CTNND2: variants seen among roughly 807,000 people sequenced by gnomAD.
CTNND2 encodes the protein catenin delta-2.
Under a neutral mutation model 144.4 loss-of-function variants are expected in CTNND2, and 22 were observed. That is an observed-to-expected ratio of 0.15 (90% confidence interval 0.11 to 0.22). The LOEUF (loss-of-function observed/expected upper bound fraction) is 0.22. Among genes scored for constraint, CTNND2 ranks in the 10% least tolerant of loss-of-function variants. The probability of loss-of-function intolerance (pLI) is 1.00; values close to 1 mark genes in which losing one functional copy is unlikely to be tolerated. For synonymous variants in CTNND2, 751 were observed against 695.6 expected, an observed-to-expected ratio of 1.08 and a Z score of -1.25; for missense variants, 1,353 against 1,618.8, an observed-to-expected ratio of 0.84 and a Z score of 2.82.
At position 11,150,263 on chromosome 5, in the gene CTNND2, G is replaced by A. The variant is rs575698223; in HGVS notation, c.2159+9313C>T. ...CCAGACCTCCCGCTGAGCCTCCACC[G>A]CCCCCGCCTACTCCTGCAGTGATTG... On this transcript the variant is annotated intron_variant, in intron 12 of 21. Coordinates refer to ENST00000304623, the MANE Select transcript of CTNND2 (RefSeq NM_001332.4). Among the ~76,000 whole-genome samples, 27 of 152,070 alleles carry A rather than the reference G, an allele frequency of 1.8e-4. No individual in the cohort carries two copies. In the East Asian group the frequency reaches 4.4e-3, roughly 25 times the overall value.
At chr5:11,413,768 T>C (rs537851750) in intron 3 of CTNND2, among the ~76,000 whole-genome samples, 3 of 152,302 alleles carry the variant, frequency 2.0e-5, no homozygotes, top group East Asian at 3.9e-4. Flanking sequence ...ATTATTAATT[T>C]AGGGCTCCCC....
intron 1 of CTNND2, among the ~76,000 whole-genome samples, chr5:11,778,541 T>A (rs1387556063): frequency 6.6e-6 from 1 of 152,112 alleles, no homozygotes; most frequent in African/African-American, 2.4e-5. Flanking sequence ...CTCAATTGAA[T>A]CATGTGGAAA....
rs142150473 is a variant in CTNND2, at chr5:11,093,996, T to C, written c.2637+4579A>G. 6.2e-4 allele frequency among the ~76,000 whole-genome samples: 95 copies of C among 152,304 alleles called. 1 individual carries two copies. The East Asian group carries it at 0.016, about 26-fold the overall frequency. ...GCTCTTCCCATGAAACATGGCAAAA[T>C]AGTATATTATACAAAAGATGATGAT... On this transcript the variant is annotated intron_variant, in intron 15 of 21. Transcript: ENST00000304623.
intron 3 of CTNND2, among the ~76,000 whole-genome samples, chr5:11,505,921 G>A (rs753954029): frequency 6.6e-6 from 1 of 151,958 alleles, no homozygotes; most frequent in Admixed American, 6.6e-5. Context: ...TCCTCTCTTC[G>A]ATGGCATCCA....
intron 1 of CTNND2, among the ~76,000 whole-genome samples, chr5:11,798,259 CAAAAAAAAA>C (rs78238644): frequency 1.7e-5 from 1 of 60,464 alleles, no homozygotes; most frequent in African/African-American, 5.9e-5. Flanking sequence ...GAGACTGTTT[CAAAAAAAAA>C]AAAAAAAAAG....
intron 2 of CTNND2, among the ~76,000 whole-genome samples, chr5:11,722,485 A>T (rs972410725): frequency 6.6e-6 from 1 of 152,248 alleles, no homozygotes; most frequent in Non-Finnish European, 1.5e-5. Flanking sequence ...ACACTGTATA[A>T]GTCCATTCTC....
chr5:11,128,915 A>T lies in CTNND2; in HGVS notation c.2160-11348T>A, dbSNP rs1338328094. Among the ~76,000 whole-genome samples the T allele has an allele frequency of 1.1e-4, 5 of 44,374 alleles. 1 individual carries two copies. The highest frequency in any genetic ancestry group is 2.6e-4 in the African/African-American group (4 of 15,238). The allele number at this position is 44,374 out of a possible 152,430, so 29.1% of individuals were successfully genotyped here. A position where few individuals can be genotyped will look rare whatever the true frequency, so the allele number is the denominator to read the frequency against. ...ATATATTACATATATAAATATATAT[A>T]ATATATAATACATAAATATATATAT... On this transcript the variant is annotated intron_variant, in intron 12 of 21. Coordinates refer to ENST00000304623, the MANE Select transcript of CTNND2 (RefSeq NM_001332.4).
At chr5:11,746,393 G>A (rs575939063) in intron 1 of CTNND2, among the ~76,000 whole-genome samples, 9 of 151,824 alleles carry the variant, frequency 5.9e-5, no homozygotes, top group East Asian at 1.9e-4. Context: ...ATCACTTCAC[G>A]TCCTCTTTAC....
intron 18 of CTNND2, among the ~76,000 whole-genome samples, chr5:11,005,153 G>A (rs922642150): frequency 2.0e-5 from 3 of 152,234 alleles, no homozygotes; most frequent in African/African-American, 7.2e-5. Flanking sequence ...AGGCAGAGAA[G>A]GGGAGGCATT....
chr5:11,289,946 G>T (rs923205995), intron 9 of CTNND2, among the ~76,000 whole-genome samples: 4 of 152,192 alleles, frequency 2.6e-5, no homozygotes, highest in African/African-American at 9.6e-5. Flanking sequence ...TCACCAGAAG[G>T]TGGGGCACTA....
At chr5:11,548,151 T>C (rs1775417484) in intron 3 of CTNND2, among the ~76,000 whole-genome samples, 2 of 152,228 alleles carry the variant, frequency 1.3e-5, no homozygotes, top group East Asian at 3.8e-4. Context: ...ACACATAACA[T>C]ATTTATGTAA....
intron 12 of CTNND2, among the ~76,000 whole-genome samples, chr5:11,154,400 C>T (rs1207396584): frequency 6.6e-6 from 1 of 152,194 alleles, no homozygotes; most frequent in Non-Finnish European, 1.5e-5. Context: ...ACTTGTAGAA[C>T]TCAATCCTGC....
At chr5:11,271,087 C>A (rs1326108145) in intron 9 of CTNND2, among the ~76,000 whole-genome samples, 1 of 152,186 alleles carries the variant, frequency 6.6e-6, no homozygotes, top group Non-Finnish European at 1.5e-5. Flanking sequence ...ATACACCCAA[C>A]ACACACCTAT....
chr5:11,831,860 C>CAT (rs1242125892), intron 1 of CTNND2, among the ~76,000 whole-genome samples: 1 of 151,916 alleles, frequency 6.6e-6, no homozygotes, highest in Non-Finnish European at 1.5e-5. Flanking sequence ...TCAAGTTAAT[C>CAT]ATAGATCTAA....
At chr5:11,336,948 G>A (rs16901508) in intron 9 of CTNND2, among the ~76,000 whole-genome samples, 1 of 152,060 alleles carries the variant, frequency 6.6e-6, no homozygotes, top group African/African-American at 2.4e-5. Flanking sequence ...TTGACCCAGT[G>A]AGCCAATTTT....
intron 12 of CTNND2, among the ~76,000 whole-genome samples, chr5:11,119,498 T>A (rs1200085458): frequency 6.6e-6 from 1 of 152,222 alleles, no homozygotes; most frequent in Non-Finnish European, 1.5e-5. Context: ...TCTGACACAA[T>A]CCGTGGTGGT....
intron 1 of CTNND2, among the ~76,000 whole-genome samples, chr5:11,863,496 C>T (rs1469502734): frequency 1.3e-5 from 2 of 152,116 alleles, no homozygotes; most frequent in African/African-American, 4.8e-5. Flanking sequence ...TTAATAACTT[C>T]CGGCAGTAAA....
intron 6 of CTNND2, among the ~76,000 whole-genome samples, chr5:11,389,017 T>C (rs1222485952): frequency 1.3e-5 from 2 of 152,226 alleles, no homozygotes; most frequent in Non-Finnish European, 2.9e-5. Flanking sequence ...TGAAATAATT[T>C]TTTATTGATG....
chr5:11,882,338 G>A (rs949157299), intron 1 of CTNND2, among the ~76,000 whole-genome samples: 1 of 151,910 alleles, frequency 6.6e-6, no homozygotes, highest in Non-Finnish European at 1.5e-5. Context: ...TTTTCTTTTA[G>A]TAGTTTCTTA....
Sources: gnomAD v4.1 joint callset for allele counts (sites outside exome capture counted in the v4.1 genomes callset) on GRCh38, gnomAD v4.1.1 for gene constraint, MANE v1.5 for transcripts, NCBI Gene and HGNC (gene_info 2026-07-23, HGNC 2026-07-21) for gene names.